The following ELAPOR1 variants were observed in gnomAD, a reference collection of about 807,000 sequenced individuals.
ELAPOR1 encodes endosome-lysosome associated apoptosis and autophagy regulator 1, also known as endosome/lysosome-associated apoptosis and autophagy regulator 1.
A neutral mutation model predicts 119.7 loss-of-function variants in ELAPOR1; 77 were observed. That is an observed-to-expected ratio of 0.64 (90% CI 0.54 to 0.78). The LOEUF (loss-of-function observed/expected upper bound fraction) is 0.78, where lower values mean the gene tolerates loss of function less well. ELAPOR1 is among the 30% of genes least tolerant of loss of function. The pLI, the probability that ELAPOR1 is intolerant of heterozygous loss-of-function variation, is 0.00. For synonymous variants in ELAPOR1, 481 were observed against 487.2 expected (o/e 0.99, Z 0.17); for missense variants, 1,115 against 1,270.4 (o/e 0.88, Z 1.86).
chr1:109,188,099 G>C, intron 8 of ELAPOR1, 78 bp from the exon 9 acceptor site: 1 of 1,519,528 alleles, frequency 6.6e-7, no homozygotes, highest in East Asian at 2.3e-5. Context: ...TCTGCCCCCA[G>C]CCCCTATCCT....
intron 2 of ELAPOR1, 113 bp downstream of exon 2, chr1:109,162,127 A>C: frequency 8.1e-7 from 1 of 1,240,038 alleles, no homozygotes; most frequent in Non-Finnish European, 1.1e-6. Context: ...TTAAGGAATC[A>C]GATCTTTTCC....
chr1:109,197,114 C>G (rs570069318), intron 15 of ELAPOR1, among the ~76,000 whole-genome samples: 1 of 141,002 alleles, frequency 7.1e-6, no homozygotes, highest in Non-Finnish European at 1.5e-5. Context: ...CCAGCCTGAA[C>G]AACACAGAGA....
At chr1:109,124,972 A>T (rs1235412122) in intron 1 of ELAPOR1, among the ~76,000 whole-genome samples, 1 of 152,068 alleles carries the variant, frequency 6.6e-6, no homozygotes, top group African/African-American at 2.4e-5. Context: ...TCTGTCACCC[A>T]GGCTGGACTG....
At chr1:109,202,768 A>G (rs1472744005) in intron 21 of ELAPOR1, 176 bp from the exon 22 acceptor site, 1 of 704,722 alleles carries the variant, frequency 1.4e-6, no homozygotes, top group Admixed American at 2.4e-5. Context: ...ATTGTTCTCC[A>G]ACTGACCCTG....
chr1:109,193,508 C>A (rs1409280725), intron 14 of ELAPOR1, among the ~76,000 whole-genome samples: 3 of 151,918 alleles, frequency 2.0e-5, no homozygotes, highest in Non-Finnish European at 4.4e-5. Flanking sequence ...CAGAGCAAGA[C>A]CCTGTCTCTA....
At chr1:109,118,764 G>A (rs1489884279) in intron 1 of ELAPOR1, among the ~76,000 whole-genome samples, 1 of 152,138 alleles carries the variant, frequency 6.6e-6, no homozygotes, top group Admixed American at 6.6e-5. Context: ...GGAGCAGAGT[G>A]TTCCCTGTTC....
At chr1:109,176,574 C>G (rs2101069932) in intron 7 of ELAPOR1, among the ~76,000 whole-genome samples, 1 of 149,874 alleles carries the variant, frequency 6.7e-6, no homozygotes, top group East Asian at 2.0e-4. Flanking sequence ...CTACACAGAT[C>G]TTGCCAAATG....
chr1:109,149,910 G>A lies in ELAPOR1; in HGVS notation c.154-11984G>A, dbSNP rs138866981. ...AGGGATAATATTGGCAACACTTCAG[G>A]AGGCTTTTGTGAGGGCTAAAGGGGA... On this transcript the variant is annotated intron_variant, in intron 1 of 21. Transcript: ENST00000369939. 3.9e-5 allele frequency among the ~76,000 whole-genome samples: 6 copies of A among 152,314 alleles called. No homozygotes were observed. In the East Asian group the frequency reaches 5.8e-4, roughly 15 times the overall value.
chr1:109,161,890 G>A lies in ELAPOR1; in HGVS notation c.154-4G>A. 2 of 1,608,858 alleles carry A rather than the reference G, an allele frequency of 1.2e-6. No individual in the cohort carries two copies. Among genetic ancestry groups the A allele is most frequent in the Non-Finnish European group, 1.7e-6 (2 of 1,175,582 alleles). On this transcript the variant is annotated splice_region_variant and splice_polypyrimidine_tract_variant and intron_variant, in intron 1 of 21. Coordinates refer to ENST00000369939, the MANE Select transcript of ELAPOR1 (RefSeq NM_020775.5). Reference sequence around the variant, plus strand: ...CATTTCGCCCACTGTTCTCTCCCCTGCAGTCTGAGTACCACTATGAGTACA... The same window carrying A: ...CATTTCGCCCACTGTTCTCTCCCCTACAGTCTGAGTACCACTATGAGTACA...
At position 109,198,014 on chromosome 1, in the gene ELAPOR1, T is replaced by A. The variant is rs772823367; in HGVS notation, c.2338T>A (p.Ser780Thr). 6 of 1,613,990 alleles carry A rather than the reference T, an allele frequency of 3.7e-6. No homozygotes were observed. The highest frequency in any genetic ancestry group is 3.4e-6 in the Non-Finnish European group (4 of 1,179,988). The part of the protein sequence containing the change: ...TTDMTLDGIT[S>T]PAELFHLESL... ...AGATATGACTCTGGATGGAATCACC[T>A]CCCCAGCTGAACTTTTCCACCTGGA... The change falls in exon 17 of 22, where the codon TCC (serine) becomes ACC (threonine). Residue 780 changes from serine (S) to threonine (T), a missense_variant. By Grantham distance (58) the Ser-to-Thr change is moderately conservative. Coordinates refer to ENST00000369939, the MANE Select transcript of ELAPOR1 (RefSeq NM_020775.5).
chr1:109,124,922 T>G (rs1328757281), intron 1 of ELAPOR1, among the ~76,000 whole-genome samples: 2 of 152,120 alleles, frequency 1.3e-5, no homozygotes, highest in Non-Finnish European at 2.9e-5. Flanking sequence ...ATTCCTTGTG[T>G]GTGGTCTCTC....
intron 1 of ELAPOR1, among the ~76,000 whole-genome samples, chr1:109,146,114 C>A (rs1650159645): frequency 6.6e-6 from 1 of 152,052 alleles, no homozygotes; most frequent in Non-Finnish European, 1.5e-5. Context: ...GAATTCGAGA[C>A]CAGCCTGGGC....
chr1:109,114,230 G>A lies in ELAPOR1; in HGVS notation c.47G>A (p.Gly16Glu), dbSNP rs776364861. Residue 16 changes from glycine to glutamate, a missense_variant, in exon 1 of 22, where the codon GGA becomes GAA. Transcript: ENST00000369939. ...HSHHLSARVR[G>E]RTERRIPRLW... ...CACCATCTCTCCGCCAGAGTCAGGG[G>A]AAGAACTGAGAGGCGCATACCCCGG... 5 of 1,605,072 alleles carry A rather than the reference G, an allele frequency of 3.1e-6. No individual in the cohort carries two copies. The highest frequency in any genetic ancestry group is 1.7e-5 in the Admixed American group (1 of 58,876).
chr1:109,152,270 G>A (rs1386222879), intron 1 of ELAPOR1, among the ~76,000 whole-genome samples: 1 of 152,196 alleles, frequency 6.6e-6, no homozygotes, highest in Non-Finnish European at 1.5e-5. Context: ...TGGGAACAAG[G>A]GAAGAAGTGG....
chr1:109,148,143 A>G (rs1570641202), intron 1 of ELAPOR1, among the ~76,000 whole-genome samples: 1 of 128,154 alleles, frequency 7.8e-6, no homozygotes, highest in African/African-American at 2.8e-5. Context: ...GGCCTATTTT[A>G]TTATTATTTT....
intron 7 of ELAPOR1, among the ~76,000 whole-genome samples, chr1:109,176,491 T>A (rs1652292389): frequency 6.6e-6 from 1 of 152,152 alleles, no homozygotes; most frequent in African/African-American, 2.4e-5. Flanking sequence ...ATGTGTTTGC[T>A]CAGCCAAGAC....
intron 14 of ELAPOR1, 144 bp from the exon 15 acceptor site, chr1:109,194,277 T>C: frequency 1.5e-6 from 1 of 652,880 alleles, no homozygotes; most frequent in Non-Finnish European, 2.6e-6. Context: ...GTTTCACTTC[T>C]TTTACTAGCC....
intron 14 of ELAPOR1, among the ~76,000 whole-genome samples, chr1:109,194,096 A>G (rs1468351111): frequency 6.6e-6 from 1 of 152,190 alleles, no homozygotes; most frequent in Non-Finnish European, 1.5e-5. Context: ...CTTCTGCTGG[A>G]AAGTAAAAAG....
intron 1 of ELAPOR1, among the ~76,000 whole-genome samples, chr1:109,135,304 CG>C (rs951264431): frequency 6.6e-6 from 1 of 151,946 alleles, no homozygotes; most frequent in African/African-American, 2.4e-5. Context: ...AGTGAAGTTG[CG>C]GGATCTCGGC....
Sources: allele counts gnomAD v4.1 joint callset (sites outside exome capture counted in the v4.1 genomes callset), GRCh38; gene constraint gnomAD v4.1.1; transcripts MANE v1.5; gene names NCBI Gene and HGNC (gene_info 2026-07-23, HGNC 2026-07-21).